Variants in CSMD1 observed in about 807,000 individuals in gnomAD.
CSMD1 encodes CUB and Sushi multiple domains 1.
In CSMD1, 213 loss-of-function variants were observed where a neutral mutation model predicts 417.5. The observed-to-expected ratio is 0.51, with a 90% CI of 0.46 to 0.57. The LOEUF (loss-of-function observed/expected upper bound fraction) is 0.57. Ranked by LOEUF, CSMD1 falls within the 20% of genes least tolerant of loss-of-function variation. The pLI is 0.00. For synonymous variants in CSMD1, 2,862 were observed against 1,736.8 expected, an observed-to-expected ratio of 1.65 and a Z score of -16.11; for missense variants, 6,923 against 4,529.7, an observed-to-expected ratio of 1.53 and a Z score of -15.17.
intron 2 of CSMD1, among the ~76,000 whole-genome samples, chr8:4,496,907 T>C (rs1240401810): frequency 6.6e-6 from 1 of 152,158 alleles, no homozygotes; most frequent in Non-Finnish European, 1.5e-5. Context: ...TAATGCTTGT[T>C]TTGTGAATCA....
At chr8:4,666,324 A>G (rs1473927186) in intron 1 of CSMD1, among the ~76,000 whole-genome samples, 3 of 152,212 alleles carry the variant, frequency 2.0e-5, no homozygotes, top group Non-Finnish European at 2.9e-5. Flanking sequence ...GATGGGCCCA[A>G]TATAATCAGA....
intron 12 of CSMD1, among the ~76,000 whole-genome samples, chr8:3,442,404 T>G (rs553897016): frequency 3.3e-5 from 5 of 152,326 alleles, no homozygotes; most frequent in African/African-American, 9.6e-5. Context: ...CTGCAAGCTC[T>G]ATTCATGGTA....
chr8:4,247,278 T>G (rs1340812548), intron 3 of CSMD1, among the ~76,000 whole-genome samples: 1 of 152,134 alleles, frequency 6.6e-6, no homozygotes, highest in African/African-American at 2.4e-5. Context: ...CAAAATCACT[T>G]AGATAATCAA....
At chr8:3,041,603 A>G (rs1465629132) in intron 50 of CSMD1, among the ~76,000 whole-genome samples, 1 of 152,264 alleles carries the variant, frequency 6.6e-6, no homozygotes, top group Non-Finnish European at 1.5e-5. Flanking sequence ...AAACAGCACC[A>G]CATCTATCTG....
At chr8:4,849,566 G>A (rs549488335) in intron 1 of CSMD1, among the ~76,000 whole-genome samples, 4 of 152,180 alleles carry the variant, frequency 2.6e-5, no homozygotes, top group Admixed American at 2.6e-4. Flanking sequence ...ACTCTATACA[G>A]GTGTAGCATT....
At chr8:3,205,318 AT>A (rs780343609) in intron 31 of CSMD1, among the ~76,000 whole-genome samples, 185 bp downstream of exon 31, 4 of 152,214 alleles carry the variant, frequency 2.6e-5, no homozygotes, top group Non-Finnish European at 5.9e-5. Context: ...TTAATATCAC[AT>A]TGGTAAAAGG....
intron 6 of CSMD1, among the ~76,000 whole-genome samples, chr8:3,730,284 T>A (rs1217570571): frequency 6.6e-6 from 1 of 151,762 alleles, no homozygotes; most frequent in Admixed American, 6.6e-5. Context: ...CTTGGATGCA[T>A]CATCCCTGAC....
intron 5 of CSMD1, among the ~76,000 whole-genome samples, chr8:3,972,007 A>C (rs1336500005): frequency 1.3e-5 from 2 of 152,000 alleles, no homozygotes; most frequent in Non-Finnish European, 2.9e-5. Context: ...CCCAGGCTCA[A>C]GTAATCCTCC....
chr8:3,290,327 T>C (rs1192181538), intron 25 of CSMD1, among the ~76,000 whole-genome samples: 2 of 146,776 alleles, frequency 1.4e-5, no homozygotes, highest in Non-Finnish European at 2.9e-5. Flanking sequence ...TTTGGTTCCA[T>C]ATGAACTTTA....
chr8:4,240,382 A>G (rs1289557493), intron 3 of CSMD1, among the ~76,000 whole-genome samples: 2 of 152,212 alleles, frequency 1.3e-5, no homozygotes, highest in African/African-American at 4.8e-5. Flanking sequence ...CCCATTTTGC[A>G]GGCATCACAG....
chr8:4,077,469 G>C (rs748250997), intron 3 of CSMD1, among the ~76,000 whole-genome samples: 24 of 151,738 alleles, frequency 1.6e-4, no homozygotes, highest in South Asian at 6.2e-4. Flanking sequence ...ACTCTTAAAT[G>C]TCTAGTTGAG....
chr8:3,423,937 A>T (rs1477670958), intron 12 of CSMD1, among the ~76,000 whole-genome samples: 1 of 152,190 alleles, frequency 6.6e-6, no homozygotes, highest in Non-Finnish European at 1.5e-5. Flanking sequence ...TCAATTATTT[A>T]ACTATTTTTG....
chr8:3,743,140 G>C (rs888782313), intron 6 of CSMD1, among the ~76,000 whole-genome samples: 2 of 152,106 alleles, frequency 1.3e-5, no homozygotes, highest in African/African-American at 2.4e-5. Context: ...GTGTCATGAA[G>C]GTCTTCAGGC....
chr8:4,587,652 A>G (rs2617076), intron 2 of CSMD1, among the ~76,000 whole-genome samples: 1 of 151,884 alleles, frequency 6.6e-6, no homozygotes, highest in Non-Finnish European at 1.5e-5. Flanking sequence ...CATTTACTGA[A>G]GAGAACTATG....
At chr8:4,341,968 C>T (rs1800503030) in intron 3 of CSMD1, among the ~76,000 whole-genome samples, 1 of 152,096 alleles carries the variant, frequency 6.6e-6, no homozygotes. Flanking sequence ...TACCCTGGTT[C>T]AAGAGACGAA....
chr8:3,628,987 G>A (rs556146400), intron 7 of CSMD1, among the ~76,000 whole-genome samples: 13 of 152,172 alleles, frequency 8.5e-5, no homozygotes, highest in East Asian at 5.8e-4. Flanking sequence ...GGAGGATAGA[G>A]AAAAGGGAAA....
intron 5 of CSMD1, among the ~76,000 whole-genome samples, chr8:3,952,186 G>C (rs1811641140): frequency 6.6e-6 from 1 of 152,118 alleles, no homozygotes; most frequent in Admixed American, 6.5e-5. Flanking sequence ...AACTGTTCAT[G>C]GTGTCTCCGA....
At chr8:4,424,560 C>T (rs1797436704) in intron 2 of CSMD1, among the ~76,000 whole-genome samples, 1 of 152,058 alleles carries the variant, frequency 6.6e-6, no homozygotes, top group Non-Finnish European at 1.5e-5. Flanking sequence ...CACATGCTGG[C>T]TAGAACGTGG....
chr8:4,328,675 A>G (rs1799694857), intron 3 of CSMD1, among the ~76,000 whole-genome samples: 1 of 152,174 alleles, frequency 6.6e-6, no homozygotes, highest in Non-Finnish European at 1.5e-5. Context: ...AGGCATGTCT[A>G]CATATTCAAC....
Sources: gnomAD v4.1 joint callset for allele counts (sites outside exome capture counted in the v4.1 genomes callset) on GRCh38, gnomAD v4.1.1 for gene constraint, MANE v1.5 for transcripts, NCBI Gene and HGNC (gene_info 2026-07-23, HGNC 2026-07-21) for gene names.